Variants in KIF1A observed in about 807,000 individuals in gnomAD.
KIF1A encodes kinesin family member 1A.
A neutral mutation model predicts 227.3 loss-of-function variants in KIF1A; 46 were observed. The ratio of observed to expected loss-of-function variants is 0.20; its 90% CI spans 0.16 to 0.26. KIF1A has a LOEUF of 0.26. KIF1A is among the 10% of genes least tolerant of loss of function. The pLI, the probability that KIF1A is intolerant of heterozygous loss-of-function variation, is 1.00. For synonymous variants in KIF1A, 1,022 were observed against 1,012.8 expected, an observed-to-expected ratio of 1.01 and a Z score of -0.17; for missense variants, 1,683 against 2,485.9, an observed-to-expected ratio of 0.68 and a Z score of 6.87.
In KIF1A at chr2:240,786,430, G is replaced by A. The variant is rs764809075; in HGVS notation, c.513C>T (p.His171=). 1.1e-5 allele frequency: 17 copies of A among 1,613,550 alleles called. No homozygotes were observed. The East Asian group carries it at 3.1e-4, about 30-fold the overall frequency. The change falls in exon 6 of 49, where the codon CAC becomes CAT. Residue 171 remains histidine (H), a synonymous_variant. Transcript: ENST00000498729. ...CCTCCACGTAGGGCCCCAGCAGTGG[G>A]TGCTCCCTCACGCGAAGGTTGCCCT... ...KNKGNLRVRE[H]PLLGPYVEDL... is the part of the protein sequence containing the mutation.
intron 27 of KIF1A, among the ~76,000 whole-genome samples, chr2:240,754,498 C>T (rs1375545800): frequency 6.6e-6 from 1 of 152,222 alleles, no homozygotes; most frequent in Non-Finnish European, 1.5e-5. Context: ...CGGAAGGTGC[C>T]CCTCCACTCT....
chr2:240,749,406 G>A (rs1318102202), intron 28 of KIF1A, among the ~76,000 whole-genome samples: 2 of 152,140 alleles, frequency 1.3e-5, no homozygotes, highest in African/African-American at 2.4e-5. Flanking sequence ...GCAGCCAGGA[G>A]CCCCCCTGCA....
rs773344723 is a variant in KIF1A, at chr2:240,746,089, C to A, written c.3152G>T (p.Gly1051Val). ...ATCGGCTGAGGGCCCCACGTCTGCA[C>A]CCTGGCCCTGGCCCTCCACGATGCG... ...ELRIVEGQGQ[G>V]ADVGPSADEV... The change falls in exon 30 of 49, where the codon GGT becomes GTT. Residue 1051 changes from glycine (G) to valine (V), a missense_variant. Physicochemically the swap from Gly to Val is moderately radical, Grantham distance 109 (BLOSUM62 -3). Around this residue, in one of 12 missense-constraint regions of KIF1A, gnomAD observed 759 missense variants for 1,020.2 expected, o/e 0.74. Coordinates refer to ENST00000498729, the MANE Select transcript of KIF1A (RefSeq NM_001244008.2). 6.3e-7 allele frequency: 1 copy of A among 1,591,632 alleles called. No individual in the cohort carries two copies. The highest frequency in any genetic ancestry group is 8.5e-7 in the Non-Finnish European group (1 of 1,169,684).
rs1474177732 is a variant in KIF1A at position 240,778,962 on chromosome 2, A to ACACGGCTCCT, written c.883-3046_883-3037dup. Among the ~76,000 whole-genome samples, 3 of 152,060 alleles carry ACACGGCTCCT rather than the reference A, an allele frequency of 2.0e-5. No homozygotes were observed. Among genetic ancestry groups the ACACGGCTCCT allele is most frequent in the Non-Finnish European group, 4.4e-5 (3 of 68,004 alleles). ...ACCCCGTTCCTACACACAGCGCTCC[A>ACACGGCTCCT]CACGGCTCCTCACGGGTCCCCAACA... On this transcript the variant is annotated intron_variant, in intron 10 of 48. Transcript: ENST00000498729. This position sits in a 1 kb window ranked among gnomAD's most constrained non-coding sequence, Gnocchi z 7.2.
At position 240,757,697 on chromosome 2, in the gene KIF1A, C is replaced by T. The variant is rs902828861; in HGVS notation, c.2583-103G>A. The stretch of plus-strand genomic sequence containing the variant: ...GGGGGGCTTCTGTTTAAAACCAAAA[C>T]CAAACACACAGACCATCGAGAATGC... On this transcript the variant is annotated intron_variant, in intron 26 of 48. Transcript: ENST00000498729. The surrounding 1 kb of genome is among the most constrained non-coding windows in gnomAD (Gnocchi z 6.2). 17 of 1,095,958 alleles carry T rather than the reference C, an allele frequency of 1.6e-5. No individual in the cohort carries two copies. The highest frequency in any genetic ancestry group is 1.9e-5 in the Non-Finnish European group (15 of 769,814). The allele number at this position is 1,095,958 out of a possible 1,614,324, so 67.9% of individuals were successfully genotyped here. A position where few individuals can be genotyped will look rare whatever the true frequency, so the allele number is the denominator to read the frequency against.
intron 33 of KIF1A, among the ~76,000 whole-genome samples, 166 bp from the exon 34 acceptor site, chr2:240,743,150 G>A (rs930102754): frequency 1.3e-5 from 2 of 152,070 alleles, no homozygotes; most frequent in Non-Finnish European, 2.9e-5. Flanking sequence ...GGACCCTTGG[G>A]ACCCCAGCTC....
intron 27 of KIF1A, among the ~76,000 whole-genome samples, chr2:240,755,831 C>G (rs1195330706): frequency 6.6e-6 from 1 of 152,206 alleles, no homozygotes; most frequent in Non-Finnish European, 1.5e-5. Flanking sequence ...GGAGCCACTC[C>G]TGGGGCCCAG....
chr2:240,791,302 C>A (rs1301607280), intron 2 of KIF1A, among the ~76,000 whole-genome samples: 1 of 152,178 alleles, frequency 6.6e-6, no homozygotes, highest in East Asian at 1.9e-4. Flanking sequence ...CCTTCCCTAG[C>A]ACAGCCCGGC....
At chr2:240,780,175 A>G (rs994417603) in intron 10 of KIF1A, among the ~76,000 whole-genome samples, 1 of 151,172 alleles carries the variant, frequency 6.6e-6, no homozygotes, top group African/African-American at 2.4e-5. Context: ...ACGGTTCCTC[A>G]TGCCTTTCCC....
At chr2:240,747,572 A>G (rs2125805278) in intron 28 of KIF1A, among the ~76,000 whole-genome samples, 1 of 152,282 alleles carries the variant, frequency 6.6e-6, no homozygotes, top group Non-Finnish European at 1.5e-5. Context: ...TAGGAGTCAC[A>G]AAGTCTATAT....
chr2:240,801,619 C>T (rs1018959230), intron 1 of KIF1A, among the ~76,000 whole-genome samples: 8 of 152,096 alleles, frequency 5.3e-5, no homozygotes, highest in African/African-American at 1.7e-4. Context: ...GAAATCCTAA[C>T]CCCCCAAGTG....
Position 240,761,318 on chromosome 2 carries a change from A to ACCACTT in KIF1A, c.2170_2175dup (p.Lys724_Trp725dup), listed in dbSNP as rs2125894377. 6.2e-7 allele frequency: 1 copy of ACCACTT among 1,613,688 alleles called. No homozygotes were observed. Among genetic ancestry groups the ACCACTT allele is most frequent in the Non-Finnish European group, 8.5e-7 (1 of 1,179,722 alleles). On this transcript the variant is annotated inframe_insertion, in exon 24 of 49. Transcript: ENST00000498729. ...AGGTCCCGCAGAGACGTGAACTGGT[A>ACCACTT]CCACTTCCACTTCCGGAAGGCCCAG...
chr2:240,794,445 G>A (rs936305787), intron 2 of KIF1A, among the ~76,000 whole-genome samples: 1 of 152,088 alleles, frequency 6.6e-6, no homozygotes, highest in Non-Finnish European at 1.5e-5. Flanking sequence ...ACCCACACAC[G>A]GCCTCACTCT....
rs2055301053 is a variant in KIF1A, at chr2:240,788,989, G to A, written c.183+247C>T. 6.6e-6 allele frequency among the ~76,000 whole-genome samples: 1 copy of A among 152,144 alleles called. No homozygotes were observed. The highest frequency in any genetic ancestry group is 6.5e-5 in the Admixed American group (1 of 15,284). ...GGGATGTCTGGGGGAAAAGTCACCA[G>A]CAGATGGACGTACACACAGCTCTGA... On this transcript the variant is annotated intron_variant, in intron 3 of 48. Transcript: ENST00000498729. The surrounding 1 kb of genome is among the most constrained non-coding windows in gnomAD (Gnocchi z 6.6).
In KIF1A at chr2:240,717,372, G is replaced by A. The variant is rs375509312; in HGVS notation, c.5368C>T (p.Arg1790Trp). 50 of 1,611,566 alleles carry A rather than the reference G, an allele frequency of 3.1e-5. No individual in the cohort carries two copies. The highest frequency in any genetic ancestry group is 1.5e-4 in the African/African-American group (11 of 74,936). ...KLSRRRSAQMRV is the reference protein window; with the variant it reads ...KLSRRRSAQMWV ...CACGGGAGGGCTCAGGTTCAGACCC[G>A]CATCTGGGCAGACCTCCTTCTGGAG... Residue 1790 changes from arginine to tryptophan, a missense_variant, in exon 49 of 49, where the codon CGG (arginine) becomes TGG (tryptophan). Around this residue, in one of 12 missense-constraint regions of KIF1A, gnomAD observed 384 missense variants for 410.1 expected, o/e 0.94. Transcript: ENST00000498729.
chr2:240,764,420 C>T (rs954556165), intron 20 of KIF1A, among the ~76,000 whole-genome samples: 3 of 152,150 alleles, frequency 2.0e-5, no homozygotes, highest in African/African-American at 2.4e-5. Flanking sequence ...TTAGCCACAC[C>T]GACTCCCCAT....
At chr2:240,748,658 A>C in intron 28 of KIF1A, 1 of 300,022 alleles carries the variant, frequency 3.3e-6, no homozygotes. Context: ...CCTGGTAAAC[A>C]CCCCACCTTC....
At chr2:240,781,871 C>T (rs1048708360) in intron 10 of KIF1A, 6 of 985,404 alleles carry the variant, frequency 6.1e-6, no homozygotes, top group Non-Finnish European at 7.2e-6. Flanking sequence ...CCTGCAGCCC[C>T]ACGTGTTCTT....
chr2:240,784,311 G>A (rs1375088231), intron 7 of KIF1A, among the ~76,000 whole-genome samples: 1 of 152,118 alleles, frequency 6.6e-6, no homozygotes, highest in Non-Finnish European at 1.5e-5. Flanking sequence ...CCTGCACCGG[G>A]AGGCCTGGCC....
Sources: allele counts gnomAD v4.1 joint callset (sites outside exome capture counted in the v4.1 genomes callset), GRCh38; gene constraint gnomAD v4.1.1; regional missense constraint gnomAD v4.1.1; non-coding constraint Gnocchi (gnomAD v3.1); transcripts MANE v1.5; gene names NCBI Gene and HGNC (gene_info 2026-07-23, HGNC 2026-07-21).